Variants in IL7 observed in about 807,000 individuals in gnomAD.
IL7 encodes interleukin 7, also known as interleukin-7.
A neutral mutation model predicts 21.6 loss-of-function variants in IL7; 3 were observed. That is an observed-to-expected ratio of 0.14 (90% confidence interval 0.06 to 0.36). The LOEUF is 0.36. Among genes scored for constraint, IL7 ranks in the 10% least tolerant of loss-of-function variants. The pLI, the probability that IL7 is intolerant of heterozygous loss-of-function variation, is 1.00. For missense variants in IL7, 175 were observed against 200.2 expected, an observed-to-expected ratio of 0.87 and a Z score of 0.76; for synonymous variants, 62 against 68.1, an observed-to-expected ratio of 0.91 and a Z score of 0.44.
chr8:78,698,334 C>A, intron 3 of IL7: 1 of 1,146,056 alleles, frequency 8.7e-7, no homozygotes, highest in Non-Finnish European at 1.2e-6. Context: ...ATTACTAAAG[C>A]ATTGTTTCCT....
At chr8:78,758,054 G>C (rs564199124) in intron 2 of IL7, among the ~76,000 whole-genome samples, 1 of 152,006 alleles carries the variant, frequency 6.6e-6, no homozygotes, top group African/African-American at 2.4e-5. Flanking sequence ...CAGACATGTG[G>C]AACTGTGAGT....
At chr8:78,801,946 G>A (rs1374528245) in intron 1 of IL7, among the ~76,000 whole-genome samples, 2 of 152,078 alleles carry the variant, frequency 1.3e-5, no homozygotes, top group Non-Finnish European at 2.9e-5. Flanking sequence ...AGTGCTTTTG[G>A]CATTGTTGTC....
At chr8:78,702,339 T>C (rs1053782404) in intron 3 of IL7, among the ~76,000 whole-genome samples, 1 of 152,144 alleles carries the variant, frequency 6.6e-6, no homozygotes, top group African/African-American at 2.4e-5. Context: ...TCTGATTGTG[T>C]TTATTTGAAT....
At chr8:78,695,750 T>C (rs1053083947) in intron 3 of IL7, among the ~76,000 whole-genome samples, 1 of 152,198 alleles carries the variant, frequency 6.6e-6, no homozygotes, top group Non-Finnish European at 1.5e-5. Context: ...TCTCCCAAAG[T>C]CTCATAGACA....
chr8:78,788,240 G>A (rs1813576107), intron 2 of IL7, among the ~76,000 whole-genome samples: 1 of 151,606 alleles, frequency 6.6e-6, no homozygotes, highest in South Asian at 2.1e-4. Flanking sequence ...CTAATTTCTT[G>A]TTCTCAATTT....
intron 2 of IL7, among the ~76,000 whole-genome samples, chr8:78,740,918 A>C (rs1811758335): frequency 6.6e-6 from 1 of 152,174 alleles, no homozygotes; most frequent in Non-Finnish European, 1.5e-5. Flanking sequence ...AGATTATCTA[A>C]ATCAATAATT....
rs1811258892 is a variant in IL7, at chr8:78,722,483, T to C, written n.268-1043A>G. Among the ~76,000 whole-genome samples the C allele has an allele frequency of 2.0e-5, 3 of 152,058 alleles. No homozygotes were observed. The South Asian group carries it at 6.2e-4, about 31-fold the overall frequency. On this transcript the variant is annotated intron_variant and non_coding_transcript_variant, in intron 3 of 6. Coordinates refer to the IL7 transcript ENST00000519833. ...TTTCAGGATGTGTAAGAAAACTATTTTTCTTATACTGAAATAAGCATGTCT... is the reference window on the plus strand; with the variant it reads ...TTTCAGGATGTGTAAGAAAACTATTCTTCTTATACTGAAATAAGCATGTCT...
chr8:78,792,616 AT>A (rs1200225423), intron 2 of IL7, among the ~76,000 whole-genome samples: 1 of 152,166 alleles, frequency 6.6e-6, no homozygotes, highest in African/African-American at 2.4e-5. Flanking sequence ...AAAGATTTGA[AT>A]AAACAATTCT....
intron 2 of IL7, among the ~76,000 whole-genome samples, chr8:78,796,309 A>C: frequency 6.6e-6 from 1 of 152,122 alleles, no homozygotes; most frequent in Non-Finnish European, 1.5e-5. Flanking sequence ...TTAGAAACAC[A>C]CCATTTAAAA....
At chr8:78,719,638 T>C (rs1586039928) in intron 5 of IL7, 1 of 151,904 alleles carries the variant, frequency 6.6e-6, no homozygotes, top group African/African-American at 2.4e-5. Flanking sequence ...TGTATTATTC[T>C]GAATTGTGTT....
chr8:78,685,437 A>G (rs1809938276), intron 4 of IL7, among the ~76,000 whole-genome samples: 1 of 152,192 alleles, frequency 6.6e-6, no homozygotes, highest in Non-Finnish European at 1.5e-5. Flanking sequence ...AGAGGCCATA[A>G]AAGATCAGTA....
At chr8:78,792,193 T>C (rs1813720261) in intron 2 of IL7, among the ~76,000 whole-genome samples, 1 of 152,044 alleles carries the variant, frequency 6.6e-6, no homozygotes, top group Non-Finnish European at 1.5e-5. Context: ...AGGGAAAATA[T>C]AATTTTCAAT....
chr8:78,738,135 T>C (rs1169016695), intron 4 of IL7, among the ~76,000 whole-genome samples: 1 of 152,186 alleles, frequency 6.6e-6, no homozygotes, highest in Admixed American at 6.5e-5. Context: ...ATTTCCTGTT[T>C]TATTGACTAG....
chr8:78,692,607 A>T (rs972860660), intron 3 of IL7, among the ~76,000 whole-genome samples: 1 of 152,108 alleles, frequency 6.6e-6, no homozygotes, highest in Non-Finnish European at 1.5e-5. Context: ...GTAGGTGGTT[A>T]AATCCAGGGT....
At chr8:78,725,085 ACT>A (rs1371890897) in intron 3 of IL7, among the ~76,000 whole-genome samples, 8 of 151,984 alleles carry the variant, frequency 5.3e-5, no homozygotes, top group Admixed American at 5.2e-4. Context: ...CCATGGTGAA[ACT>A]CTCACTGCAT....
At chr8:78,743,784 G>A (rs1465571160) in intron 2 of IL7, among the ~76,000 whole-genome samples, 4 of 151,990 alleles carry the variant, frequency 2.6e-5, no homozygotes, top group Middle Eastern at 3.2e-3. Flanking sequence ...TTCAATGTTC[G>A]ACGTTGCCTA....
At chr8:78,798,038 ATGAAAATG>A in intron 2 of IL7, 26 bp downstream of exon 2, 1 of 1,555,818 alleles carries the variant, frequency 6.4e-7, no homozygotes, top group Non-Finnish European at 8.8e-7. Context: ...TTCCCAATGC[ATGAAAATG>A]TGAGTAAAAC....
At chr8:78,704,405 A>C (rs1464662765) in intron 3 of IL7, among the ~76,000 whole-genome samples, 1 of 151,634 alleles carries the variant, frequency 6.6e-6, no homozygotes, top group African/African-American at 2.4e-5. Context: ...AAAAAAAAAA[A>C]AGAATGTTAA....
rs1335465086 is a variant in IL7 at position 78,768,597 on chromosome 8, T to C, written c.148-28515A>G. Among the ~76,000 whole-genome samples the C allele has an allele frequency of 4.0e-5, 6 of 151,446 alleles. No individual in the cohort carries two copies. In the East Asian group the frequency reaches 1.2e-3, roughly 29 times the overall value. ...TTGAGAAGTGTCTGTTCATGTCCTT[T>C]GCCCACTTTTTGATGGGGGTGTTTG... On this transcript the variant is annotated intron_variant, in intron 2 of 5. Coordinates refer to ENST00000263851, the MANE Select transcript of IL7 (RefSeq NM_000880.4).
Sources: allele counts gnomAD v4.1 joint callset (sites outside exome capture counted in the v4.1 genomes callset), GRCh38; gene constraint gnomAD v4.1.1; transcripts MANE v1.5; gene names NCBI Gene and HGNC (gene_info 2026-07-23, HGNC 2026-07-21).